The following NCAPH variants were observed in gnomAD, a reference collection of about 807,000 sequenced individuals.
NCAPH encodes non-SMC condensin I complex subunit H.
In NCAPH, 38 loss-of-function variants were observed where a neutral mutation model predicts 85.5. The ratio of observed to expected loss-of-function variants is 0.44; its 90% CI spans 0.34 to 0.58. The LOEUF is 0.58. Among genes scored for constraint, NCAPH ranks in the 20% least tolerant of loss-of-function variants. The pLI is 0.01. For synonymous variants in NCAPH, 301 were observed against 335.1 expected (o/e 0.90, Z 1.11); for missense variants, 789 against 916.6 (o/e 0.86, Z 1.80).
chr2:96,346,588 C>G (rs944516856), intron 6 of NCAPH, among the ~76,000 whole-genome samples: 3 of 152,006 alleles, frequency 2.0e-5, no homozygotes, highest in African/African-American at 7.2e-5. Flanking sequence ...AATTTTACCT[C>G]GGAAGACAGG....
intron 7 of NCAPH, among the ~76,000 whole-genome samples, chr2:96,352,657 C>A (rs1363879942): frequency 6.6e-6 from 1 of 152,146 alleles, no homozygotes; most frequent in Non-Finnish European, 1.5e-5. Flanking sequence ...AGAGCTGCCC[C>A]CTCCTGCACA....
intron 1 of NCAPH, among the ~76,000 whole-genome samples, chr2:96,339,167 C>A (rs1437322001): frequency 6.6e-6 from 1 of 152,206 alleles, no homozygotes; most frequent in East Asian, 1.9e-4. Context: ...CCATAGAAAA[C>A]TAATACAGTC....
intron 1 of NCAPH, chr2:96,341,422 A>G (rs569475894): frequency 1.8e-6 from 1 of 558,674 alleles, no homozygotes; most frequent in African/African-American, 1.9e-5. Context: ...CAGAGTGGAT[A>G]TTTGTCCCAG....
chr2:96,342,712 C>T, intron 3 of NCAPH, 44 bp from the exon 4 acceptor site: 1 of 1,459,044 alleles, frequency 6.9e-7, no homozygotes, highest in South Asian at 1.2e-5. Flanking sequence ...TTACATGAGC[C>T]TAGGCTATAA....
intron 1 of NCAPH, among the ~76,000 whole-genome samples, chr2:96,338,241 G>GAAAGAAAAA (rs1553445130): frequency 1.2e-5 from 1 of 80,860 alleles, no homozygotes; most frequent in Non-Finnish European, 2.2e-5. Flanking sequence ...CTATTTTATT[G>GAAAGAAAAA]AAAAAAAAAA....
chr2:96,335,986 G>C (rs1446856476), intron 1 of NCAPH, 138 bp downstream of exon 1: 1 of 866,072 alleles, frequency 1.2e-6, no homozygotes, highest in African/African-American at 1.8e-5. Context: ...GCTGACAGCA[G>C]AGGCCGGTGC....
At chr2:96,358,748 G>C (rs1010800814) in intron 9 of NCAPH, among the ~76,000 whole-genome samples, 1 of 152,120 alleles carries the variant, frequency 6.6e-6, no homozygotes, top group African/African-American at 2.4e-5. Context: ...GATTACAAGC[G>C]TGAGCCACCG....
At chr2:96,359,395 G>T (rs2064573657) in intron 10 of NCAPH, 1 of 584,364 alleles carries the variant, frequency 1.7e-6, no homozygotes, top group Non-Finnish European at 3.0e-6. Context: ...AAGCCTCTGA[G>T]TGAGGAGAGT....
chr2:96,336,113 G>A (rs1414403575), intron 1 of NCAPH, among the ~76,000 whole-genome samples: 1 of 151,950 alleles, frequency 6.6e-6, no homozygotes, highest in African/African-American at 2.4e-5. Flanking sequence ...CTCAGTTCCC[G>A]GGCGGGCGGT....
chr2:96,341,122 T>C (rs1428953358), intron 1 of NCAPH, among the ~76,000 whole-genome samples: 1 of 152,230 alleles, frequency 6.6e-6, no homozygotes, highest in African/African-American at 2.4e-5. Context: ...ATTTTTCCTT[T>C]TGTAGTTAGC....
intron 1 of NCAPH, 115 bp downstream of exon 1, chr2:96,335,963 T>A: frequency 8.5e-7 from 1 of 1,171,908 alleles, no homozygotes; most frequent in Non-Finnish European, 1.1e-6. Flanking sequence ...TCAGCTCGGG[T>A]CTTGGCCCTG....
At chr2:96,347,269 C>T (rs2064374329) in intron 6 of NCAPH, among the ~76,000 whole-genome samples, 1 of 146,666 alleles carries the variant, frequency 6.8e-6, no homozygotes, top group Non-Finnish European at 1.5e-5. Context: ...GAGCAGTGCC[C>T]CTCAGCCTGT....
intron 9 of NCAPH, among the ~76,000 whole-genome samples, chr2:96,356,661 G>T (rs1391578021): frequency 1.3e-5 from 2 of 152,110 alleles, no homozygotes; most frequent in Non-Finnish European, 2.9e-5. Flanking sequence ...AGCTTTGGAT[G>T]GCAGGCTCCA....
chr2:96,350,492 A>G (rs772968085), intron 6 of NCAPH, among the ~76,000 whole-genome samples: 5 of 151,922 alleles, frequency 3.3e-5, no homozygotes, highest in Admixed American at 2.0e-4. Context: ...TATTTTTAGG[A>G]TGGGGAAAAA....
At chr2:96,367,567 G>C (rs1257001595) in intron 15 of NCAPH, among the ~76,000 whole-genome samples, 194 bp downstream of exon 15, 2 of 152,208 alleles carry the variant, frequency 1.3e-5, no homozygotes, top group African/African-American at 2.4e-5. Flanking sequence ...AGGATCACTT[G>C]AGCCCAGGAG....
At chr2:96,352,069 T>C in intron 7 of NCAPH, 49 bp downstream of exon 7, 1 of 1,499,336 alleles carries the variant, frequency 6.7e-7, no homozygotes, top group African/African-American at 1.4e-5. Context: ...CATTGGGGAA[T>C]TTTTTTACAT....
intron 5 of NCAPH, 36 bp from the exon 6 acceptor site, chr2:96,344,069 A>G (rs1436826071): frequency 6.3e-7 from 1 of 1,590,052 alleles, no homozygotes; most frequent in African/African-American, 1.4e-5. Flanking sequence ...GCTTCAAAGC[A>G]GCCCTTGCAG....
At chr2:96,354,077 G>A (rs1222695612) in intron 8 of NCAPH, 106 bp from the exon 9 acceptor site, 15 of 1,111,570 alleles carry the variant, frequency 1.3e-5, no homozygotes, top group Non-Finnish European at 1.7e-5. Context: ...TCAGGGGAAG[G>A]AGGAGGCTGG....
chr2:96,361,194 GC>G (rs2064603900), intron 12 of NCAPH, among the ~76,000 whole-genome samples: 1 of 151,728 alleles, frequency 6.6e-6, no homozygotes, highest in Non-Finnish European at 1.5e-5. Context: ...GATTACAGGT[GC>G]CTGCCACCAT....
Sources: allele counts gnomAD v4.1 joint callset (sites outside exome capture counted in the v4.1 genomes callset), GRCh38; gene constraint gnomAD v4.1.1; transcripts MANE v1.5; gene names NCBI Gene and HGNC (gene_info 2026-07-23, HGNC 2026-07-21).